Variants in CCDC138 observed in about 807,000 individuals in gnomAD.
The protein encoded by CCDC138 is coiled-coil domain-containing protein 138.
Under a neutral mutation model 82.3 loss-of-function variants are expected in CCDC138, and 66 were observed. The ratio of observed to expected loss-of-function variants is 0.80; its 90% CI spans 0.66 to 0.98. The LOEUF (loss-of-function observed/expected upper bound fraction) is 0.98. Among genes scored for constraint, CCDC138 ranks in the 50% least tolerant of loss-of-function variants. The pLI is 0.00. For synonymous variants in CCDC138, 297 were observed against 265.4 expected (o/e 1.12, Z -1.16); for missense variants, 816 against 758.9 (o/e 1.08, Z -0.88).
intron 13 of CCDC138, among the ~76,000 whole-genome samples, chr2:108,860,449 A>C (rs1297070344): frequency 6.6e-6 from 1 of 151,762 alleles, no homozygotes; most frequent in Non-Finnish European, 1.5e-5. Context: ...TCCCCATTAA[A>C]TATGATATTG....
chr2:108,846,711 T>C (rs772754934), intron 11 of CCDC138, 27 bp from the exon 12 acceptor site: 1 of 1,569,284 alleles, frequency 6.4e-7, no homozygotes, highest in Non-Finnish European at 8.7e-7. Flanking sequence ...TGAATAAATA[T>C]ACTAAGATTG....
intron 10 of CCDC138, among the ~76,000 whole-genome samples, chr2:108,818,233 G>C (rs558178375): frequency 2.6e-5 from 4 of 152,124 alleles, no homozygotes; most frequent in Admixed American, 6.6e-5. Flanking sequence ...CTGAACCTGG[G>C]GGGGTCGAGG....
intron 9 of CCDC138, among the ~76,000 whole-genome samples, chr2:108,814,445 C>T (rs928350499): frequency 3.3e-5 from 5 of 151,738 alleles, no homozygotes; most frequent in African/African-American, 7.3e-5. Context: ...TGAAGATAAT[C>T]GAAGTTTTCA....
At chr2:108,833,787 G>A (rs2150320083) in intron 10 of CCDC138, among the ~76,000 whole-genome samples, 2 of 149,452 alleles carry the variant, frequency 1.3e-5, no homozygotes, top group South Asian at 4.2e-4. Flanking sequence ...GAGTGCAGTG[G>A]CGTGATCTCG....
At chr2:108,794,807 C>A in intron 5 of CCDC138, 86 bp downstream of exon 5, 1 of 932,652 alleles carries the variant, frequency 1.1e-6, no homozygotes, top group Non-Finnish European at 1.6e-6. Flanking sequence ...TAATATATTT[C>A]ATTTTAATTA....
At chr2:108,820,144 A>G (rs1218694892) in intron 10 of CCDC138, among the ~76,000 whole-genome samples, 1 of 152,244 alleles carries the variant, frequency 6.6e-6, no homozygotes, top group Non-Finnish European at 1.5e-5. Context: ...ACAGTGGCTT[A>G]CACCTGTAAT....
At chr2:108,851,230 A>C (rs942728198) in intron 12 of CCDC138, among the ~76,000 whole-genome samples, 1 of 152,180 alleles carries the variant, frequency 6.6e-6, no homozygotes, top group Admixed American at 6.5e-5. Flanking sequence ...ACCACGCTCC[A>C]GAAATCTCCA....
intron 6 of CCDC138, among the ~76,000 whole-genome samples, chr2:108,804,598 G>A (rs1682525075): frequency 6.6e-6 from 1 of 152,098 alleles, no homozygotes. Flanking sequence ...CCATGAGTTT[G>A]TGTGAGTGGA....
At chr2:108,794,837 GAGA>G in intron 5 of CCDC138, 116 bp downstream of exon 5, 1 of 813,146 alleles carries the variant, frequency 1.2e-6, no homozygotes, top group Non-Finnish European at 1.9e-6. Flanking sequence ...AGTTTGTCAA[GAGA>G]AGGACGGAAG....
chr2:108,859,130 G>C (rs1337077008), intron 13 of CCDC138, among the ~76,000 whole-genome samples: 1 of 152,108 alleles, frequency 6.6e-6, no homozygotes, highest in Admixed American at 6.5e-5. Context: ...TTGTGGTTTT[G>C]GTTTGCATTT....
At chr2:108,844,952 T>C (rs1184034874) in intron 11 of CCDC138, among the ~76,000 whole-genome samples, 1 of 152,152 alleles carries the variant, frequency 6.6e-6, no homozygotes, top group African/African-American at 2.4e-5. Flanking sequence ...TTCACCATGT[T>C]GGCCAGAATG....
chr2:108,852,207 ACAAT>A (rs1691626631), intron 12 of CCDC138, among the ~76,000 whole-genome samples: 1 of 152,224 alleles, frequency 6.6e-6, no homozygotes. Flanking sequence ...TTAGCTGCAC[ACAAT>A]CAGTATGTGA....
intron 6 of CCDC138, among the ~76,000 whole-genome samples, chr2:108,799,650 C>A (rs1366398122): frequency 6.6e-6 from 1 of 152,186 alleles, no homozygotes; most frequent in East Asian, 1.9e-4. Context: ...AACTGAGCTT[C>A]TTCAATTTGG....
chr2:108,867,813 C>CT (rs1694651949), intron 13 of CCDC138, among the ~76,000 whole-genome samples: 1 of 152,172 alleles, frequency 6.6e-6, no homozygotes, highest in African/African-American at 2.4e-5. Context: ...ATGTTCCAGC[C>CT]TTTGAGTCAT....
rs541575515 is a variant in CCDC138 at position 108,867,874 on chromosome 2, G to A, written c.1694-5577G>A. Among the ~76,000 whole-genome samples the A allele has an allele frequency of 1.7e-3, 252 of 152,292 alleles. 1 individual carries two copies. Among genetic ancestry groups the A allele is most frequent in the African/African-American group, 5.5e-3 (230 of 41,560 alleles). On this transcript the variant is annotated intron_variant, in intron 13 of 14. Coordinates refer to ENST00000295124, the MANE Select transcript of CCDC138 (RefSeq NM_144978.3). ...ACTAGACATCATACATTTTTGTCCC[G>A]TGTAATAAATAGCATGTTACTATCT...
At chr2:108,870,280 T>C (rs1222777426) in intron 13 of CCDC138, among the ~76,000 whole-genome samples, 1 of 152,116 alleles carries the variant, frequency 6.6e-6, no homozygotes, top group Non-Finnish European at 1.5e-5. Context: ...ATCAGTGAAC[T>C]TGAAGGCAAG....
chr2:108,846,503 A>C (rs988688546), intron 11 of CCDC138, among the ~76,000 whole-genome samples: 2 of 149,112 alleles, frequency 1.3e-5, no homozygotes, highest in Non-Finnish European at 3.0e-5. Flanking sequence ...ACTTAGTGAG[A>C]CCCATCTCTA....
chr2:108,848,914 TATG>T (rs1233079055), intron 12 of CCDC138, among the ~76,000 whole-genome samples: 1 of 152,222 alleles, frequency 6.6e-6, no homozygotes, highest in East Asian at 1.9e-4. Flanking sequence ...TCTTAAATCA[TATG>T]ATACAGATGA....
At chr2:108,830,694 G>A (rs1404230815) in intron 10 of CCDC138, among the ~76,000 whole-genome samples, 4 of 152,118 alleles carry the variant, frequency 2.6e-5, no homozygotes, top group African/African-American at 9.7e-5. Context: ...TGTAATCCCA[G>A]CTACTTGGGA....
Sources: gnomAD v4.1 joint callset for allele counts (sites outside exome capture counted in the v4.1 genomes callset) on GRCh38, gnomAD v4.1.1 for gene constraint, MANE v1.5 for transcripts, NCBI Gene and HGNC (gene_info 2026-07-23, HGNC 2026-07-21) for gene names.